HKDC1: variants seen among roughly 807,000 people sequenced by gnomAD.
The protein encoded by HKDC1 is hexokinase domain containing 1, also known as hexokinase HKDC1.
Under a neutral mutation model 96.6 loss-of-function variants are expected in HKDC1, and 66 were observed. The observed-to-expected ratio is 0.68, with a 90% confidence interval of 0.56 to 0.84. The LOEUF (loss-of-function observed/expected upper bound fraction) is 0.84, where lower values mean the gene tolerates loss of function less well. Ranked by LOEUF, HKDC1 falls within the 40% of genes least tolerant of loss-of-function variation. The pLI is 0.00. For missense variants in HKDC1, 1,211 were observed against 1,208.1 expected (o/e 1.00, Z -0.04); for synonymous variants, 466 against 473.1 (o/e 0.98, Z 0.20).
At chr10:69,255,051 C>G (rs1199953564) in intron 12 of HKDC1, among the ~76,000 whole-genome samples, 1 of 152,224 alleles carries the variant, frequency 6.6e-6, no homozygotes, top group Non-Finnish European at 1.5e-5. Context: ...CGGGAGGGTG[C>G]CGTGTGCAGC....
chr10:69,265,431 C>T lies in HKDC1; in HGVS notation c.2373-154C>T, dbSNP rs80126497. On this transcript the variant is annotated intron_variant, in intron 16 of 17. Coordinates refer to ENST00000354624, the MANE Select transcript of HKDC1 (RefSeq NM_025130.4). ...GGTGGTGGACCTTCTTGAGTCTCGGCTTCTAAGGCATTCTGCTCCAGCCTA... is the reference window on the plus strand; with the variant it reads ...GGTGGTGGACCTTCTTGAGTCTCGGTTTCTAAGGCATTCTGCTCCAGCCTA... The T allele has an allele frequency of 8.6e-4, 578 of 670,128 alleles. 2 individuals are homozygous for T. In the African/African-American group the frequency reaches 9.5e-3, roughly 11 times the overall value. The allele number at this position is 670,128 out of a possible 1,614,324, so 41.5% of individuals were successfully genotyped here.
rs1286540542 is a variant in HKDC1 at position 69,267,394 on chromosome 10, G to A, written c.*637G>A. On this transcript the variant is annotated 3_prime_UTR_variant, in exon 18 of 18. Coordinates refer to ENST00000354624, the MANE Select transcript of HKDC1 (RefSeq NM_025130.4). Reference sequence around the variant, plus strand: ...TTATGTCAGCACCCTGTAGGATTTTGTTCCTTATTAAGTGTGTGCCATGTG... The same window carrying A: ...TTATGTCAGCACCCTGTAGGATTTTATTCCTTATTAAGTGTGTGCCATGTG... 3 of 429,476 alleles carry A rather than the reference G, an allele frequency of 7.0e-6. No homozygotes were observed. Among genetic ancestry groups the A allele is most frequent in the Non-Finnish European group, 1.4e-5 (3 of 219,732 alleles). 26.6% of individuals were successfully genotyped at this position (429,476 alleles called of 1,614,324 possible). A position where few individuals can be genotyped will look rare whatever the true frequency, so the allele number is the denominator to read the frequency against.
chr10:69,234,158 G>C (rs1024697291), intron 4 of HKDC1, among the ~76,000 whole-genome samples: 10 of 152,204 alleles, frequency 6.6e-5, no homozygotes, highest in African/African-American at 2.4e-4. Context: ...GGCCACTCCT[G>C]TCTGGGTTGG....
intron 5 of HKDC1, among the ~76,000 whole-genome samples, chr10:69,239,975 A>G (rs1843429673): frequency 6.6e-6 from 1 of 152,142 alleles, no homozygotes; most frequent in Admixed American, 6.5e-5. Context: ...GCAATAACCC[A>G]AGCTGACTTG....
chr10:69,263,917 G>A (rs531921208), intron 16 of HKDC1, among the ~76,000 whole-genome samples: 2 of 152,362 alleles, frequency 1.3e-5, no homozygotes, highest in South Asian at 2.1e-4. Flanking sequence ...GCTCATGCCT[G>A]TAATCCCAGG....
chr10:69,246,332 C>T, intron 8 of HKDC1, 98 bp downstream of exon 8: 1 of 1,320,600 alleles, frequency 7.6e-7, no homozygotes, highest in Non-Finnish European at 1.1e-6. Context: ...GGACTAGATC[C>T]TCCTCCTTCA....
intron 10 of HKDC1, among the ~76,000 whole-genome samples, chr10:69,249,574 C>T (rs1843603250): frequency 6.6e-6 from 1 of 152,238 alleles, no homozygotes; most frequent in South Asian, 2.1e-4. Flanking sequence ...CCGCTCACTG[C>T]AAGCTCCGCC....
chr10:69,264,368 CA>C (rs1843857419), intron 16 of HKDC1, among the ~76,000 whole-genome samples: 1 of 150,954 alleles, frequency 6.6e-6, no homozygotes, highest in South Asian at 2.1e-4. Context: ...TATTCTCACG[CA>C]AACTCATCTT....
Position 69,266,922 on chromosome 10 carries a change from T to A in HKDC1, c.*165T>A. ...GTACTCTTAGTATCTTGTACTGGAT[T>A]TGCAGTGACATTACATGACATCTCT... On this transcript the variant is annotated 3_prime_UTR_variant, in exon 18 of 18. Transcript: ENST00000354624. 1 of 605,692 alleles carries A rather than the reference T, an allele frequency of 1.7e-6. No individual in the cohort carries two copies. Among genetic ancestry groups the A allele is most frequent in the Non-Finnish European group, 2.8e-6 (1 of 358,898 alleles). 37.5% of individuals were successfully genotyped at this position (605,692 alleles called of 1,614,324 possible).
At chr10:69,246,007 C>A in intron 7 of HKDC1, 72 bp from the exon 8 acceptor site, 1 of 1,572,584 alleles carries the variant, frequency 6.4e-7, no homozygotes, top group Non-Finnish European at 8.7e-7. Flanking sequence ...TGGGCAGTGG[C>A]TCCTGGTCTT....
At chr10:69,233,327 C>T (rs1589405137) in intron 4 of HKDC1, among the ~76,000 whole-genome samples, 194 bp downstream of exon 4, 1 of 152,150 alleles carries the variant, frequency 6.6e-6, no homozygotes, top group African/African-American at 2.4e-5. Context: ...TTATGATTAA[C>T]GTGGGCACAG....
At position 69,248,558 on chromosome 10, in the gene HKDC1, G is replaced by A. The variant is rs267602560; in HGVS notation, c.1400G>A (p.Arg467Gln). 5.0e-5 allele frequency: 80 copies of A among 1,614,002 alleles called. No homozygotes were observed. In the Admixed American group the frequency reaches 6.0e-4, roughly 12 times the overall value. ...GTGGCCTCCCGCGTGCAGGCCCAGC[G>A]GAAGCAGATCGACAGGGTGCTGGCT... is the stretch of plus-strand genomic sequence containing the variant. The part of the protein sequence containing the change: ...TAVASRVQAQ[R>Q]KQIDRVLALF... Residue 467 changes from arginine (R) to glutamine (Q), a missense_variant, in exon 10 of 18, where the codon CGG (arginine) becomes CAG (glutamine). Physicochemically the swap from Arg to Gln is conservative, Grantham distance 43. Coordinates refer to ENST00000354624, the MANE Select transcript of HKDC1 (RefSeq NM_025130.4).
rs117451730 is a variant in HKDC1, at chr10:69,265,461, T to C, written c.2373-124T>C. ...AAGGCATTCTGCTCCAGCCTAGCCA[T>C]TGCCTGGGTCAATTTCTCCTCCCTC... On this transcript the variant is annotated intron_variant, in intron 16 of 17. Transcript: ENST00000354624. The C allele has an allele frequency of 1.7e-3, 1,350 of 804,876 alleles. 21 individuals carry two copies. The East Asian group carries it at 0.03, about 18-fold the overall frequency. 49.9% of individuals were successfully genotyped at this position (804,876 alleles called of 1,614,324 possible).
intron 12 of HKDC1, among the ~76,000 whole-genome samples, chr10:69,256,193 A>G (rs1260521706): frequency 6.6e-6 from 1 of 152,204 alleles, no homozygotes; most frequent in Non-Finnish European, 1.5e-5. Context: ...CGTGCTTTCA[A>G]TTAACAGTGT....
intron 12 of HKDC1, among the ~76,000 whole-genome samples, chr10:69,251,076 G>T (rs1843634877): frequency 1.4e-5 from 2 of 139,684 alleles, no homozygotes; most frequent in Non-Finnish European, 3.1e-5. Flanking sequence ...CACATCACAA[G>T]AAATACATTT....
rs954648229 is a variant in HKDC1 at position 69,239,147 on chromosome 10, T to G, written c.591+10T>G. 1.2e-6 allele frequency: 2 copies of G among 1,609,544 alleles called. No individual in the cohort carries two copies. Among genetic ancestry groups the G allele is most frequent in the African/African-American group, 2.7e-5 (2 of 74,822 alleles). On this transcript the variant is annotated intron_variant, in intron 5 of 17. Transcript: ENST00000354624. ...CATGAGAAGACACAAGGTGAGGAAT[T>G]CACCTCGGTGTGGGAGGCTCTCCCA...
intron 4 of HKDC1, among the ~76,000 whole-genome samples, chr10:69,237,970 C>A (rs892447323): frequency 6.6e-6 from 1 of 152,196 alleles, no homozygotes; most frequent in Non-Finnish European, 1.5e-5. Flanking sequence ...TTGACTGAGA[C>A]GACTTGGGCG....
intron 1 of HKDC1, 147 bp downstream of exon 1, chr10:69,220,645 G>A: frequency 1.8e-6 from 1 of 543,424 alleles, no homozygotes; most frequent in East Asian, 3.3e-5. Flanking sequence ...CTCACTGAGG[G>A]AAGAGGGAGT....
intron 2 of HKDC1, among the ~76,000 whole-genome samples, chr10:69,228,003 G>T (rs184598131): frequency 3.9e-4 from 59 of 152,278 alleles, no homozygotes; most frequent in African/African-American, 1.2e-3. Flanking sequence ...TGTTTCCTAT[G>T]GCTGCTGTGA....
Sources: allele counts gnomAD v4.1 joint callset (sites outside exome capture counted in the v4.1 genomes callset), GRCh38; gene constraint gnomAD v4.1.1; transcripts MANE v1.5; gene names NCBI Gene and HGNC (gene_info 2026-07-23, HGNC 2026-07-21).